C2orf92: variants seen among roughly 807,000 people sequenced by gnomAD.
C2orf92 encodes the protein uncharacterized protein C2orf92.
At chr2:97,699,494 C>T (rs1262637851) in intron 6 of C2orf92, among the ~76,000 whole-genome samples, 1 of 151,992 alleles carries the variant, frequency 6.6e-6, no homozygotes, top group African/African-American at 2.4e-5. Context: ...CGCAGCTACT[C>T]GGGAGGCTGA....
intron 2 of C2orf92, among the ~76,000 whole-genome samples, chr2:97,675,062 T>C (rs1246265474): frequency 6.6e-6 from 1 of 152,188 alleles, no homozygotes; most frequent in Non-Finnish European, 1.5e-5. Flanking sequence ...CTGATTTCTC[T>C]TCCAGCACTG....
chr2:97,694,459 A>G (rs1322662325), intron 5 of C2orf92: 1 of 139,650 alleles, frequency 7.2e-6, no homozygotes, highest in Non-Finnish European at 1.5e-5. Flanking sequence ...ATGGGGTTTC[A>G]CTGTGTTAGC....
chr2:97,697,903 T>A (rs1301428064), intron 5 of C2orf92: 5 of 153,764 alleles, frequency 3.3e-5, no homozygotes, highest in South Asian at 2.0e-4. Context: ...AATTTTTTTT[T>A]TTTTATTTTT....
upstream of C2orf92, among the ~76,000 whole-genome samples, chr2:97,665,240 A>G (rs921925154): frequency 6.6e-6 from 1 of 152,184 alleles, no homozygotes; most frequent in Non-Finnish European, 1.5e-5. Context: ...TACCTCTCCC[A>G]ATGGGTTGTG....
Position 97,693,991 on chromosome 2 carries a change from C to T in C2orf92, c.403+3664C>T, listed in dbSNP as rs957563721. Among the ~76,000 whole-genome samples, 4 of 152,106 alleles carry T rather than the reference C, an allele frequency of 2.6e-5. No individual in the cohort carries two copies. The East Asian group carries it at 7.7e-4, about 29-fold the overall frequency. ...AAATACATTCATAATGTTGTGCAAC[C>T]ATCACCAGCATTCATCTCCAGAACT... is the stretch of plus-strand genomic sequence containing the variant. On this transcript the variant is annotated intron_variant, in intron 5 of 7. Coordinates refer to ENST00000627399, the MANE Select transcript of C2orf92 (RefSeq NM_001351368.2).
intron 5 of C2orf92, among the ~76,000 whole-genome samples, chr2:97,692,001 A>C (rs947280332): frequency 6.6e-6 from 1 of 152,032 alleles, no homozygotes; most frequent in African/African-American, 2.4e-5. Context: ...CTATTTTTGC[A>C]TGTTTGTTTT....
intron 3 of C2orf92, among the ~76,000 whole-genome samples, chr2:97,686,679 A>G (rs1675975277): frequency 6.6e-6 from 1 of 151,464 alleles, no homozygotes; most frequent in Non-Finnish European, 1.5e-5. Context: ...CGGCCTCCCA[A>G]AGTGTTGGGA....
chr2:97,701,892 T>C (rs2104612848), intron 7 of C2orf92, among the ~76,000 whole-genome samples: 1 of 152,108 alleles, frequency 6.6e-6, no homozygotes, highest in Admixed American at 6.5e-5. Flanking sequence ...AGTGCCTGTC[T>C]ACACCCCCGT....
intron 2 of C2orf92, 32 bp from the exon 3 acceptor site, chr2:97,675,813 C>G (rs1280262815): frequency 7.5e-6 from 3 of 398,998 alleles, no homozygotes; most frequent in African/African-American, 6.2e-5. Context: ...CAATGAAAGA[C>G]TTAATCACAG....
intron 1 of C2orf92, chr2:97,671,334 C>T (rs908447015): frequency 7.7e-6 from 3 of 391,052 alleles, no homozygotes; most frequent in Admixed American, 4.5e-5. Context: ...TTTGTAGAGT[C>T]GGGGGTCTCC....
intron 5 of C2orf92, chr2:97,697,245 A>G (rs1386777111): frequency 6.6e-6 from 1 of 152,246 alleles, no homozygotes; most frequent in East Asian, 1.9e-4. Flanking sequence ...TTTTCCCACA[A>G]AAAAATAATC....
intron 3 of C2orf92, among the ~76,000 whole-genome samples, chr2:97,682,920 C>G (rs181700283): frequency 6.6e-6 from 1 of 152,180 alleles, no homozygotes; most frequent in African/African-American, 2.4e-5. Flanking sequence ...GGCAAGGATG[C>G]CTGCTCTCAC....
chr2:97,671,221 C>G (rs550023275), intron 1 of C2orf92: 1 of 353,362 alleles, frequency 2.8e-6, no homozygotes, highest in South Asian at 1.5e-4. Context: ...GTTGGCCAGG[C>G]TGGTCATGAA....
At chr2:97,695,514 C>T (rs756288704) in intron 5 of C2orf92, among the ~76,000 whole-genome samples, 18 of 152,022 alleles carry the variant, frequency 1.2e-4, no homozygotes, top group Non-Finnish European at 2.5e-4. Context: ...TGTATCTTCA[C>T]CCTTGAATAA....
intron 5 of C2orf92, among the ~76,000 whole-genome samples, chr2:97,693,244 G>T (rs1676198167): frequency 6.6e-6 from 1 of 152,012 alleles, no homozygotes; most frequent in African/African-American, 2.4e-5. Context: ...GGACACTTGG[G>T]TTGCTCTCAC....
At chr2:97,681,294 G>C (rs150995129) in intron 3 of C2orf92, among the ~76,000 whole-genome samples, 3 of 152,024 alleles carry the variant, frequency 2.0e-5, no homozygotes, top group African/African-American at 7.3e-5. Context: ...CATATGTTAG[G>C]ACACAAATCT....
rs1026684882 is a variant in C2orf92, at chr2:97,699,042, G to A, written c.420G>A (p.Glu140=). 2 of 397,860 alleles carry A rather than the reference G, an allele frequency of 5.0e-6. No individual in the cohort carries two copies. Among genetic ancestry groups the A allele is most frequent in the African/African-American group, 4.2e-5 (2 of 48,104 alleles). The allele number at this position is 397,860 out of a possible 1,614,324, so 24.6% of individuals were successfully genotyped here. The change falls in exon 6 of 8, where the codon GAG becomes GAA. Residue 140 remains glutamate, a synonymous_variant. Coordinates refer to ENST00000627399, the MANE Select transcript of C2orf92 (RefSeq NM_001351368.2). ...KIPDKDHLSE[E]KNFKESCLFD... is the part of the protein sequence containing the mutation. ...CTTTTGTAGATCACCTTTCAGAGGAGAAGAATTTTAAAGAATCCTGTCTGT... is the reference window on the plus strand; with the variant it reads ...CTTTTGTAGATCACCTTTCAGAGGAAAAGAATTTTAAAGAATCCTGTCTGT...
intron 1 of C2orf92, among the ~76,000 whole-genome samples, chr2:97,673,819 T>C (rs1008511845): frequency 2.0e-5 from 3 of 152,224 alleles, no homozygotes; most frequent in Middle Eastern, 3.4e-3. Context: ...TAAGGCTGGG[T>C]GAAAGCTTGT....
Position 97,701,231 on chromosome 2 carries a change from G to C in C2orf92, c.592G>C (p.Gly198Arg). The C allele has an allele frequency of 2.5e-6, 1 of 399,128 alleles. No homozygotes were observed. The highest frequency in any genetic ancestry group is 4.4e-6 in the Non-Finnish European group (1 of 226,114). 24.7% of individuals were successfully genotyped at this position (399,128 alleles called of 1,614,324 possible). The change falls in exon 7 of 8, where the codon GGG (glycine) becomes CGG (arginine). Residue 198 changes from glycine (G) to arginine (R), a missense_variant. Physicochemically the swap from Gly to Arg is moderately radical, Grantham distance 125. Coordinates refer to ENST00000627399, the MANE Select transcript of C2orf92 (RefSeq NM_001351368.2). ...GAACACCATCATCGCCGCCGTCTCA[G>C]GGGTGGCCATCCTCATGGCCATCGT... ...QRNTIIAAVS[G>R]VAILMAIVLL...
Sources: allele counts gnomAD v4.1 joint callset (sites outside exome capture counted in the v4.1 genomes callset), GRCh38; gene constraint gnomAD v4.1.1; transcripts MANE v1.5; gene names NCBI Gene and HGNC (gene_info 2026-07-23, HGNC 2026-07-21).